XPO6: variants seen among roughly 807,000 people sequenced by gnomAD.
The protein encoded by XPO6 is exportin-6.
XPO6 carries 3 observed loss-of-function variants against 130.0 expected under a neutral mutation model. That is an observed-to-expected ratio of 0.02 (90% CI 0.01 to 0.06). The LOEUF is 0.06. XPO6 is among the 10% of genes least tolerant of loss of function. XPO6 has a pLI of 1.00. For missense variants in XPO6, 970 were observed against 1,393.0 expected, an observed-to-expected ratio of 0.70 and a Z score of 4.83; for synonymous variants, 524 against 548.9, an observed-to-expected ratio of 0.95 and a Z score of 0.63.
intron 5 of XPO6, chr16:28,167,172 A>G (rs2043370249): frequency 3.3e-5 from 33 of 985,242 alleles, no homozygotes; most frequent in Non-Finnish European, 3.9e-5. Context: ...ACTCACCTTG[A>G]CTATATACAC....
intron 10 of XPO6, 87 bp downstream of exon 10, chr16:28,135,129 A>C (rs565382284): frequency 1.8e-6 from 2 of 1,090,162 alleles, no homozygotes; most frequent in East Asian, 4.8e-5. Flanking sequence ...CAGTCTTCGG[A>C]GCAGAGGGCT....
At chr16:28,140,389 T>C (rs1487999669) in intron 9 of XPO6, among the ~76,000 whole-genome samples, 1 of 149,670 alleles carries the variant, frequency 6.7e-6, no homozygotes, top group Non-Finnish European at 1.5e-5. Flanking sequence ...ACATTAAAAT[T>C]TGAAGGATAG....
intron 5 of XPO6, among the ~76,000 whole-genome samples, chr16:28,169,105 G>A (rs575781290): frequency 6.6e-6 from 1 of 152,260 alleles, no homozygotes; most frequent in Admixed American, 6.5e-5. Flanking sequence ...GCACCCTCAG[G>A]GCCTCACGGC....
chr16:28,133,915 G>A lies in XPO6; in HGVS notation c.1462C>T (p.Arg488Trp), dbSNP rs201168838. The A allele has an allele frequency of 2.5e-6, 4 of 1,613,318 alleles. No individual in the cohort carries two copies. Among genetic ancestry groups the A allele is most frequent in the Non-Finnish European group, 3.4e-6 (4 of 1,179,860 alleles). The change falls in exon 11 of 24, where the codon CGG becomes TGG. Residue 488 changes from arginine to tryptophan, a missense_variant. Arg to Trp is a moderately radical substitution (Grantham distance 101, BLOSUM62 -3). Coordinates refer to ENST00000304658, the MANE Select transcript of XPO6 (RefSeq NM_015171.4). The stretch of plus-strand genomic sequence containing the variant: ...ACCTCCAAGCTCTGCCGTAAGTACC[G>A]CTGCCACTCCGTCTGCTGCTGTAGG... ...LDDDQQTEWQRYLRQSLEVVA... is the reference protein window; with the variant it reads ...LDDDQQTEWQWYLRQSLEVVA...
At chr16:28,175,760 T>C (rs540269917) in intron 4 of XPO6, 138 bp downstream of exon 4, 2 of 686,974 alleles carry the variant, frequency 2.9e-6, no homozygotes, top group East Asian at 5.4e-5. Flanking sequence ...ATAAAGTGAA[T>C]GCGATAATCA....
chr16:28,098,267 C>T lies in XPO6; in HGVS notation c.*271G>A, dbSNP rs979040290. On this transcript the variant is annotated 3_prime_UTR_variant, in exon 24 of 24. Coordinates refer to ENST00000304658, the MANE Select transcript of XPO6 (RefSeq NM_015171.4). ...CGCCTGGTCTGCATGGGCCACCCCGCGGGATTTCCTGGTGCCTCCTAGTAC... is the reference window on the plus strand; with the variant it reads ...CGCCTGGTCTGCATGGGCCACCCCGTGGGATTTCCTGGTGCCTCCTAGTAC... 1.6e-5 allele frequency: 6 copies of T among 367,544 alleles called. No individual in the cohort carries two copies. Among genetic ancestry groups the T allele is most frequent in the Non-Finnish European group, 2.0e-5 (4 of 200,276 alleles). 22.8% of individuals were successfully genotyped at this position (367,544 alleles called of 1,614,324 possible).
chr16:28,125,567 G>T, intron 13 of XPO6, 122 bp downstream of exon 13: 2 of 1,269,180 alleles, frequency 1.6e-6, no homozygotes, highest in South Asian at 1.5e-5. Context: ...CTTGTATGTG[G>T]CAGAGCCTAG....
chr16:28,113,564 TG>T (rs1168839375), intron 15 of XPO6, among the ~76,000 whole-genome samples: 1 of 152,222 alleles, frequency 6.6e-6, no homozygotes, highest in Non-Finnish European at 1.5e-5. Context: ...GTGTTACAGA[TG>T]GGACCTAATG....
intron 7 of XPO6, among the ~76,000 whole-genome samples, chr16:28,154,921 A>C (rs1033606954): frequency 1.3e-5 from 2 of 152,214 alleles, no homozygotes; most frequent in Non-Finnish European, 2.9e-5. Context: ...AGTGTGAATA[A>C]TGATGCCTTT....
intron 1 of XPO6, among the ~76,000 whole-genome samples, chr16:28,193,637 G>A (rs1254261561): frequency 2.0e-5 from 3 of 152,156 alleles, no homozygotes; most frequent in East Asian, 1.9e-4. Context: ...AGCAGATGGC[G>A]CCTTTCTGGA....
intron 7 of XPO6, chr16:28,153,691 C>T (rs1325778951): frequency 8.1e-6 from 8 of 985,254 alleles, no homozygotes; most frequent in Non-Finnish European, 9.6e-6. Context: ...GATGGCCATA[C>T]CTTCATAAAT....
At chr16:28,148,769 C>T (rs768946989) in intron 8 of XPO6, among the ~76,000 whole-genome samples, 1 of 152,074 alleles carries the variant, frequency 6.6e-6, no homozygotes, top group South Asian at 2.1e-4. Context: ...TGGCCAGGCA[C>T]GGTGGTTCAC....
At chr16:28,204,401 A>G (rs987412864) in intron 1 of XPO6, among the ~76,000 whole-genome samples, 2 of 151,946 alleles carry the variant, frequency 1.3e-5, no homozygotes, top group African/African-American at 4.8e-5. Context: ...TTAGTCAAGC[A>G]GATTCTCAGG....
At chr16:28,119,425 G>A (rs1244665728) in intron 14 of XPO6, among the ~76,000 whole-genome samples, 1 of 152,156 alleles carries the variant, frequency 6.6e-6, no homozygotes, top group African/African-American at 2.4e-5. Flanking sequence ...TGCCTATGTA[G>A]TAACCTTGCT....
At chr16:28,148,824 C>T (rs2043030622) in intron 8 of XPO6, among the ~76,000 whole-genome samples, 1 of 151,878 alleles carries the variant, frequency 6.6e-6, no homozygotes, top group South Asian at 2.1e-4. Flanking sequence ...AGTGGATCAC[C>T]TAAGGTCAGG....
intron 17 of XPO6, among the ~76,000 whole-genome samples, chr16:28,109,989 G>A (rs1230516394): frequency 1.3e-5 from 2 of 152,208 alleles, no homozygotes; most frequent in Non-Finnish European, 2.9e-5. Context: ...GTGAATCTGG[G>A]TGAGAGAGAT....
chr16:28,197,267 G>C (rs185020278), intron 1 of XPO6, among the ~76,000 whole-genome samples: 1 of 152,078 alleles, frequency 6.6e-6, no homozygotes, highest in East Asian at 1.9e-4. Context: ...AAAATAATGT[G>C]TATTTTACTA....
In XPO6 at chr16:28,104,831, A is replaced by G. The variant is rs1269193644; in HGVS notation, c.2785-124T>C. On this transcript the variant is annotated intron_variant, in intron 20 of 23. Coordinates refer to ENST00000304658, the MANE Select transcript of XPO6 (RefSeq NM_015171.4). ...AGCCGAGTGTCAACACTCCATCCAC[A>G]TGCCTGTCACTACCTGCGCAAAAGA... is the stretch of plus-strand genomic sequence containing the variant. The G allele has an allele frequency of 7.4e-6, 8 of 1,084,876 alleles. No individual in the cohort carries two copies. In the Admixed American group the frequency reaches 1.6e-4, roughly 22 times the overall value. 67.2% of individuals were successfully genotyped at this position (1,084,876 alleles called of 1,614,324 possible).
At chr16:28,128,259 G>A (rs1354164954) in intron 12 of XPO6, among the ~76,000 whole-genome samples, 1 of 152,126 alleles carries the variant, frequency 6.6e-6, no homozygotes, top group Non-Finnish European at 1.5e-5. Context: ...GGCTCTGTGG[G>A]AATAAACTCT....
Sources: allele counts gnomAD v4.1 joint callset (sites outside exome capture counted in the v4.1 genomes callset), GRCh38; gene constraint gnomAD v4.1.1; transcripts MANE v1.5; gene names NCBI Gene and HGNC (gene_info 2026-07-23, HGNC 2026-07-21).